AGO1: variants seen among roughly 807,000 people sequenced by gnomAD.
AGO1 encodes protein argonaute-1.
AGO1 carries 11 observed loss-of-function variants against 109.2 expected under a neutral mutation model. The observed-to-expected ratio is 0.10, with a 90% CI of 0.06 to 0.17. The LOEUF (loss-of-function observed/expected upper bound fraction) is 0.17. AGO1 is among the 10% of genes least tolerant of loss of function. AGO1 has a pLI of 1.00. For synonymous variants in AGO1, 422 were observed against 418.6 expected, an observed-to-expected ratio of 1.01 and a Z score of -0.10; for missense variants, 574 against 1,140.3, an observed-to-expected ratio of 0.50 and a Z score of 7.15.
Position 35,901,737 on chromosome 1 carries a change from G to T in AGO1, c.1140+144G>T, listed in dbSNP as rs569449787. 2.2e-6 allele frequency: 3 copies of T among 1,386,036 alleles called. No individual in the cohort carries two copies. Among genetic ancestry groups the T allele is most frequent in the African/African-American group, 1.4e-5 (1 of 69,000 alleles). The allele number at this position is 1,386,036 out of a possible 1,614,324, so 85.9% of individuals were successfully genotyped here. A position where few individuals can be genotyped will look rare whatever the true frequency, so the allele number is the denominator to read the frequency against. ...ATAAGGCTGCTTTTGCTTCTTGACC[G>T]TATAGCTACTTTGCTTTCTGTCTCT... On this transcript the variant is annotated intron_variant, in intron 9 of 18. Coordinates refer to ENST00000373204, the MANE Select transcript of AGO1 (RefSeq NM_012199.5). The surrounding 1 kb of genome is among the most constrained non-coding windows in gnomAD (Gnocchi z 4.8).
chr1:35,888,355 C>T lies in AGO1; in HGVS notation c.26-72C>T. 6.6e-7 allele frequency: 1 copy of T among 1,517,314 alleles called. No homozygotes were observed. Among genetic ancestry groups the T allele is most frequent in the Non-Finnish European group, 9.0e-7 (1 of 1,110,108 alleles). The allele number at this position is 1,517,314 out of a possible 1,614,324, so 94.0% of individuals were successfully genotyped here. A position where few individuals can be genotyped will look rare whatever the true frequency, so the allele number is the denominator to read the frequency against. Reference sequence around the variant, plus strand: ...CTCTCGTGTTCCTGTTCTGGGAGGCCTTGTTCCTCCTCTGATAAGAGTAGT... The same window carrying T: ...CTCTCGTGTTCCTGTTCTGGGAGGCTTTGTTCCTCCTCTGATAAGAGTAGT... On this transcript the variant is annotated intron_variant, in intron 1 of 18. Transcript: ENST00000373204. The surrounding 1 kb of genome is among the most constrained non-coding windows in gnomAD (Gnocchi z 4.1).
chr1:35,872,140 T>C (rs1644956595), intron 1 of AGO1, among the ~76,000 whole-genome samples: 1 of 151,664 alleles, frequency 6.6e-6, no homozygotes, highest in Non-Finnish European at 1.5e-5. Flanking sequence ...ACCTGTACCA[T>C]TTGATTTTAT....
chr1:35,922,812 T>C lies in AGO1; in HGVS notation c.*3205T>C, dbSNP rs958990209. The C allele has an allele frequency of 6.6e-6, 1 of 152,268 alleles. No homozygotes were observed. Among genetic ancestry groups the C allele is most frequent in the Non-Finnish European group, 1.5e-5 (1 of 68,084 alleles). The allele number at this position is 152,268 out of a possible 1,614,324, so 9.4% of individuals were successfully genotyped here. ...AGAAGAGCAACTGACCTGCCCAACT[T>C]GTGTGAAGTCAGGAGGGTTTCTGGC... On this transcript the variant is annotated 3_prime_UTR_variant, in exon 19 of 19. Coordinates refer to ENST00000373204, the MANE Select transcript of AGO1 (RefSeq NM_012199.5).
chr1:35,908,816 C>CT (rs397861392), intron 12 of AGO1, among the ~76,000 whole-genome samples: 3,251 of 131,330 alleles, frequency 0.025, 88 homozygotes, highest in African/African-American at 0.043. Context: ...TCTAACCTTC[C>CT]TTTTTTTTTT....
In AGO1 at chr1:35,889,183, C is replaced by CTT. The variant is rs35255117; in HGVS notation, c.209+592_209+593dup. Among the ~76,000 whole-genome samples, 233 of 113,406 alleles carry CTT rather than the reference C, an allele frequency of 2.1e-3. 3 individuals carry two copies. Among genetic ancestry groups the CTT allele is most frequent in the African/African-American group, 7.0e-3 (204 of 29,108 alleles). 74.4% of individuals were successfully genotyped at this position (113,406 alleles called of 152,430 possible). A position where few individuals can be genotyped will look rare whatever the true frequency, so the allele number is the denominator to read the frequency against. On this transcript the variant is annotated intron_variant, in intron 2 of 18. Transcript: ENST00000373204. ...CCTTATTTAGAGGAAGTGATATTTCCTTTTTTTTTTTTTTTTTTTTGAGAG... is the reference window on the plus strand; with the variant it reads ...CCTTATTTAGAGGAAGTGATATTTCCTTTTTTTTTTTTTTTTTTTTTTGAGAG...
At chr1:35,869,849 T>C (rs1644932886) in exon 1 of AGO1, 1 of 151,996 alleles carries the variant, frequency 6.6e-6, no homozygotes, top group African/African-American at 2.4e-5. Context: ...CACGCAGAAC[T>C]CGGGGAGCCT....
Position 35,907,041 on chromosome 1 carries a change from A to G in AGO1, c.1504A>G (p.Met502Val), listed in dbSNP as rs1421049999. Residue 502 changes from methionine to valine, a missense_variant, in exon 12 of 19, where the codon ATG becomes GTG. This residue lies in a region of AGO1 where 68 missense variants were observed against 200.2 expected (regional missense o/e 0.34). Coordinates refer to ENST00000373204, the MANE Select transcript of AGO1 (RefSeq NM_012199.5). ...YAQGADSVEP[M>V]FRHLKNTYSG... The stretch of plus-strand genomic sequence containing the variant: ...ACAGGGGGCAGACAGCGTGGAGCCT[A>G]TGTTCCGGCATCTCAAGAACACCTA... 1 of 1,613,978 alleles carries G rather than the reference A, an allele frequency of 6.2e-7. No homozygotes were observed. Among genetic ancestry groups the G allele is most frequent in the Non-Finnish European group, 8.5e-7 (1 of 1,180,024 alleles).
chr1:35,892,712 G>T (rs1360308286), intron 3 of AGO1, 35 bp downstream of exon 3: 2 of 1,614,040 alleles, frequency 1.2e-6, no homozygotes, highest in Admixed American at 1.7e-5. Flanking sequence ...CTGTGTCAGG[G>T]GTCTGGGGTA....
intron 1 of AGO1, among the ~76,000 whole-genome samples, chr1:35,884,087 A>AC (rs1645078654): frequency 6.9e-6 from 1 of 145,800 alleles, no homozygotes; most frequent in African/African-American, 2.5e-5. Context: ...CCACCTCTCC[A>AC]CACCCCCCCG....
chr1:35,870,400 C>T (rs904986005), intron 1 of AGO1, among the ~76,000 whole-genome samples: 3 of 152,088 alleles, frequency 2.0e-5, no homozygotes, highest in African/African-American at 7.2e-5. Flanking sequence ...TCTCTTGCCT[C>T]AGCCTCCCGA....
At chr1:35,914,679 A>T (rs1037442897) in intron 14 of AGO1, among the ~76,000 whole-genome samples, 2 of 152,104 alleles carry the variant, frequency 1.3e-5, no homozygotes, top group African/African-American at 4.8e-5. Context: ...TGTTTCTCTT[A>T]TCTCTCTCCT....
chr1:35,903,059 G>GC (rs1645449034), intron 11 of AGO1, among the ~76,000 whole-genome samples: 1 of 144,842 alleles, frequency 6.9e-6, no homozygotes, highest in South Asian at 2.2e-4. Context: ...ATGCTGGAGT[G>GC]CAGTGGCACG....
upstream of AGO1, among the ~76,000 whole-genome samples, chr1:35,882,654 G>C (rs1480314549): frequency 6.6e-6 from 1 of 152,198 alleles, no homozygotes; most frequent in Non-Finnish European, 1.5e-5. The surrounding 1 kb of genome is among the most constrained non-coding windows in gnomAD (Gnocchi z 5.1). Context: ...AGTTCAAACT[G>C]TGACATCTTC....
At chr1:35,895,397 T>G (rs1343351716) in intron 8 of AGO1, 128 bp downstream of exon 8, 2 of 1,071,490 alleles carry the variant, frequency 1.9e-6, no homozygotes, top group East Asian at 5.8e-5. Context: ...GTAGTTCTCC[T>G]GTGAAATAGA....
Position 35,893,355 on chromosome 1 carries a change from A to C in AGO1, c.512+77A>C, listed in dbSNP as rs568294136. 1 of 1,476,576 alleles carries C rather than the reference A, an allele frequency of 6.8e-7. No homozygotes were observed. The highest frequency in any genetic ancestry group is 2.2e-5 in the Admixed American group (1 of 45,358). 91.5% of individuals were successfully genotyped at this position (1,476,576 alleles called of 1,614,324 possible). ...AGGGGAGGAGGGGGAGCACATATTAAGGTCCCACAGAGTGCCATTAAAAAA... is the reference window on the plus strand; with the variant it reads ...AGGGGAGGAGGGGGAGCACATATTACGGTCCCACAGAGTGCCATTAAAAAA... On this transcript the variant is annotated intron_variant, in intron 4 of 18. Transcript: ENST00000373204. This position sits in a 1 kb window ranked among gnomAD's most constrained non-coding sequence, Gnocchi z 5.6.
At chr1:35,905,185 T>C (rs1645497043) in intron 11 of AGO1, among the ~76,000 whole-genome samples, 1 of 152,168 alleles carries the variant, frequency 6.6e-6, no homozygotes. Context: ...AGACCCACTA[T>C]TCATGAAATC....
At chr1:35,909,253 C>T (rs953474907) in intron 12 of AGO1, among the ~76,000 whole-genome samples, 3 of 152,190 alleles carry the variant, frequency 2.0e-5, no homozygotes, top group African/African-American at 7.2e-5. Flanking sequence ...TCAGCTTTAT[C>T]TTGCACTGTT....
At position 35,893,952 on chromosome 1, in the gene AGO1, T is replaced by A. The variant is rs1645269851; in HGVS notation, c.650-85T>A. ...CCCCTTCCCCCATCCCAATGCCCTT[T>A]AAGGAAGAGGGTATAAATTGCTGTG... is the stretch of plus-strand genomic sequence containing the variant. On this transcript the variant is annotated intron_variant, in intron 5 of 18. Coordinates refer to ENST00000373204, the MANE Select transcript of AGO1 (RefSeq NM_012199.5). This position sits in a 1 kb window ranked among gnomAD's most constrained non-coding sequence, Gnocchi z 5.6. The A allele has an allele frequency of 1.2e-5, 18 of 1,521,930 alleles. No individual in the cohort carries two copies. The highest frequency in any genetic ancestry group is 4.2e-5 in the Admixed American group (2 of 47,888). 94.3% of individuals were successfully genotyped at this position (1,521,930 alleles called of 1,614,324 possible).
intron 8 of AGO1, among the ~76,000 whole-genome samples, chr1:35,899,286 TCTATC>T (rs1360634887): frequency 6.6e-6 from 1 of 152,240 alleles, no homozygotes; most frequent in Admixed American, 6.5e-5. Context: ...TATTCATTCA[TCTATC>T]CATGGATACT....
Sources: allele counts gnomAD v4.1 joint callset (sites outside exome capture counted in the v4.1 genomes callset), GRCh38; gene constraint gnomAD v4.1.1; regional missense constraint gnomAD v4.1.1; non-coding constraint Gnocchi (gnomAD v3.1); transcripts MANE v1.5; gene names NCBI Gene and HGNC (gene_info 2026-07-23, HGNC 2026-07-21).